The following MED29 variants were observed in gnomAD, a reference collection of about 807,000 sequenced individuals.
The protein encoded by MED29 is mediator complex subunit 29, also known as mediator of RNA polymerase II transcription subunit 29.
In MED29, 14 loss-of-function variants were observed where a neutral mutation model predicts 22.0. That is an observed-to-expected ratio of 0.64 (90% CI 0.42 to 0.99). MED29 has a LOEUF of 0.99. Among genes scored for constraint, MED29 ranks in the 50% least tolerant of loss-of-function variants. The pLI is 0.00. For synonymous variants in MED29, 123 were observed against 107.8 expected (o/e 1.14, Z -0.87); for missense variants, 241 against 253.7 (o/e 0.95, Z 0.34).
chr19:39,393,287 G>T (rs1409778023), intron 2 of MED29, among the ~76,000 whole-genome samples: 1 of 151,288 alleles, frequency 6.6e-6, no homozygotes, highest in Non-Finnish European at 1.5e-5. Flanking sequence ...GTAGAGATGG[G>T]GTTTCACCAT....
Position 39,397,827 on chromosome 19 carries a change from G to C in MED29, c.*128G>C, listed in dbSNP as rs1405869054. On this transcript the variant is annotated 3_prime_UTR_variant, in exon 4 of 4. Transcript: ENST00000315588. Reference sequence around the variant, plus strand: ...TGAGCACCGCAGCGGGAGCCAGCAGGGGGCAGCAGAGGCCAACAGGGAGCT... The same window carrying C: ...TGAGCACCGCAGCGGGAGCCAGCAGCGGGCAGCAGAGGCCAACAGGGAGCT... The C allele has an allele frequency of 2.1e-6, 3 of 1,450,034 alleles. No individual in the cohort carries two copies. The highest frequency in any genetic ancestry group is 2.3e-5 in the Admixed American group (1 of 42,898). 89.8% of individuals were successfully genotyped at this position (1,450,034 alleles called of 1,614,324 possible).
Position 39,397,744 on chromosome 19 carries a change from T to C in MED29, c.*45T>C. ...GGCAGGCAGTGGTTGGTGGGTGGTG[T>C]GCAAAGGGAATGAAGAGCGTCCTGG... On this transcript the variant is annotated 3_prime_UTR_variant, in exon 4 of 4. Transcript: ENST00000315588. The C allele has an allele frequency of 1.3e-6, 2 of 1,589,296 alleles. No homozygotes were observed. Among genetic ancestry groups the C allele is most frequent in the Non-Finnish European group, 1.7e-6 (2 of 1,171,788 alleles).
In MED29 at chr19:39,391,390, C is replaced by G. The variant is rs754293893; in HGVS notation, c.-33C>G. 2.6e-5 allele frequency: 41 copies of G among 1,606,502 alleles called. No homozygotes were observed. In the African/African-American group the frequency reaches 3.9e-4, roughly 15 times the overall value. On this transcript the variant is annotated 5_prime_UTR_variant, in exon 1 of 4. Coordinates refer to ENST00000315588, the MANE Select transcript of MED29 (RefSeq NM_017592.4). ...GAAAAGCAACGGGGAGAGACGCAGT[C>G]GTAACGCACTTCCGGCGGTCTACGC...
chr19:39,399,292 T>G lies in MED29; in HGVS notation c.*1593T>G, dbSNP rs1600629562. ...GCTCACGCCTGTAATCCCAACACTT[T>G]GGGAGCCCGAGGCGGGCGGATCACA... On this transcript the variant is annotated 3_prime_UTR_variant, in exon 4 of 4. Transcript: ENST00000315588. 6.7e-6 allele frequency: 1 copy of G among 150,352 alleles called. No individual in the cohort carries two copies. Among genetic ancestry groups the G allele is most frequent in the South Asian group, 2.1e-4 (1 of 4,804 alleles). The allele number at this position is 150,352 out of a possible 1,614,324, so 9.3% of individuals were successfully genotyped here.
At position 39,397,522 on chromosome 19, in the gene MED29, C is replaced by T; in HGVS notation, c.426C>T (p.Pro142=). The change falls in exon 4 of 4, where the codon CCC becomes CCT. Residue 142 remains proline, a synonymous_variant. Coordinates refer to ENST00000315588, the MANE Select transcript of MED29 (RefSeq NM_017592.4). ...CCAAGCACTCTCCAACGTTGGTGCCCACAGCCACCAAGCCCGACGCAGTGC... is the reference window on the plus strand; with the variant it reads ...CCAAGCACTCTCCAACGTTGGTGCCTACAGCCACCAAGCCCGACGCAGTGC... ...DSAKHSPTLV[P]TATKPDAVQP... is the part of the protein sequence containing the mutation. 6.2e-7 allele frequency: 1 copy of T among 1,612,592 alleles called. No homozygotes were observed. The highest frequency in any genetic ancestry group is 8.5e-7 in the Non-Finnish European group (1 of 1,180,010).
chr19:39,392,355 T>C, intron 1 of MED29, 109 bp from the exon 2 acceptor site: 1 of 974,234 alleles, frequency 1.0e-6, no homozygotes, highest in Non-Finnish European at 1.6e-6. Flanking sequence ...AAGGTGCCAG[T>C]TGAAAAGAAA....
intron 3 of MED29, among the ~76,000 whole-genome samples, chr19:39,396,571 C>G (rs1174777199): frequency 6.6e-6 from 1 of 151,898 alleles, no homozygotes; most frequent in Non-Finnish European, 1.5e-5. Context: ...ACTAAAAATA[C>G]AAAAATTAGC....
intron 1 of MED29, among the ~76,000 whole-genome samples, chr19:39,392,037 A>G (rs1174510599): frequency 6.6e-6 from 1 of 152,176 alleles, no homozygotes; most frequent in East Asian, 1.9e-4. Flanking sequence ...AAATAAATAA[A>G]TAAATAAATA....
rs2078448962 is a variant in MED29, at chr19:39,399,370, TA to T, written c.*1676del. On this transcript the variant is annotated 3_prime_UTR_variant, in exon 4 of 4. Coordinates refer to ENST00000315588, the MANE Select transcript of MED29 (RefSeq NM_017592.4). ...CAACACGGTGAAACCCCGACTCTAC[TA>T]AAAATACAAAAAATTAGCCGGGTGT... 1.3e-5 allele frequency: 2 copies of T among 152,082 alleles called. No homozygotes were observed. The highest frequency in any genetic ancestry group is 2.4e-5 in the African/African-American group (1 of 41,388). The allele number at this position is 152,082 out of a possible 1,614,324, so 9.4% of individuals were successfully genotyped here.
intron 2 of MED29, 44 bp downstream of exon 2, chr19:39,392,566 G>A (rs1005538507): frequency 2.6e-6 from 4 of 1,544,990 alleles, no homozygotes; most frequent in Non-Finnish European, 3.6e-6. Flanking sequence ...TGCCTTCCCA[G>A]TCTTTGAAAT....
chr19:39,398,272 G>A lies in MED29; in HGVS notation c.*573G>A, dbSNP rs1253717958. On this transcript the variant is annotated 3_prime_UTR_variant, in exon 4 of 4. Coordinates refer to ENST00000315588, the MANE Select transcript of MED29 (RefSeq NM_017592.4). ...TGGGTTATCTGGGGCTAAGGGAAGG[G>A]ACTTCATTTCCAGGGGCCACAGCCA... 6.4e-6 allele frequency: 1 copy of A among 155,840 alleles called. No homozygotes were observed. Among genetic ancestry groups the A allele is most frequent in the Non-Finnish European group, 1.4e-5 (1 of 70,228 alleles). 9.7% of individuals were successfully genotyped at this position (155,840 alleles called of 1,614,324 possible). A position where few individuals can be genotyped will look rare whatever the true frequency, so the allele number is the denominator to read the frequency against.
chr19:39,391,976 C>G (rs746554527), intron 1 of MED29, among the ~76,000 whole-genome samples: 10 of 152,250 alleles, frequency 6.6e-5, no homozygotes, highest in South Asian at 2.1e-4. Flanking sequence ...AGTGAGCCGA[C>G]ATCGTGCCAT....
intron 3 of MED29, among the ~76,000 whole-genome samples, chr19:39,395,786 A>G (rs935686062): frequency 2.0e-5 from 3 of 152,126 alleles, no homozygotes; most frequent in Non-Finnish European, 2.9e-5. Context: ...GCGTGGTGGC[A>G]GGCGCCTGCA....
Position 39,392,526 on chromosome 19 carries a change from A to G in MED29, c.275+4A>G, listed in dbSNP as rs753723279. On this transcript the variant is annotated splice_donor_region_variant and intron_variant, in intron 2 of 3. Coordinates refer to ENST00000315588, the MANE Select transcript of MED29 (RefSeq NM_017592.4). ...ACACTAACATCGACAATGGACAGTG[A>G]GTGCAGCCCCCTTTACCAGGATATT... is the stretch of plus-strand genomic sequence containing the variant. 3.7e-6 allele frequency: 6 copies of G among 1,613,350 alleles called. No homozygotes were observed. The highest frequency in any genetic ancestry group is 5.1e-6 in the Non-Finnish European group (6 of 1,179,594).
chr19:39,397,649 G>A lies in MED29; in HGVS notation c.553G>A (p.Val185Ile). 8 of 1,612,876 alleles carry A rather than the reference G, an allele frequency of 5.0e-6. No individual in the cohort carries two copies. Among genetic ancestry groups the A allele is most frequent in the Non-Finnish European group, 6.8e-6 (8 of 1,179,950 alleles). The part of the protein sequence containing the change: ...HTALLDCANK[V>I]TGKTPAPPAG... Reference sequence around the variant, plus strand: ...CGCCCTGCTGGACTGTGCCAACAAGGTCACGGGCAAGACACCCGCACCACC... The same window carrying A: ...CGCCCTGCTGGACTGTGCCAACAAGATCACGGGCAAGACACCCGCACCACC... The change falls in exon 4 of 4, where the codon GTC becomes ATC. Residue 185 changes from valine to isoleucine, a missense_variant. Physicochemically the swap from Val to Ile is conservative, Grantham distance 29. Transcript: ENST00000315588.
chr19:39,393,835 A>T (rs1331840018), intron 3 of MED29, among the ~76,000 whole-genome samples, 198 bp downstream of exon 3: 2 of 152,112 alleles, frequency 1.3e-5, no homozygotes, highest in African/African-American at 4.8e-5. Flanking sequence ...TAATAAGCAC[A>T]CCCCTAAACA....
intron 2 of MED29, among the ~76,000 whole-genome samples, chr19:39,393,188 C>T (rs1255907682): frequency 4.9e-5 from 7 of 142,424 alleles, no homozygotes; most frequent in African/African-American, 8.0e-5. Flanking sequence ...CTCTGCCTCC[C>T]GGGTTCAAAT....
rs1044065626 is a variant in MED29 at position 39,395,287 on chromosome 19, A to G, written c.360+1650A>G. Reference sequence around the variant, plus strand: ...TCATTCTGGCTGAGGTGTGGTAGGCATAGGGCTTGTTGGATTTTGAATATA... The same window carrying G: ...TCATTCTGGCTGAGGTGTGGTAGGCGTAGGGCTTGTTGGATTTTGAATATA... On this transcript the variant is annotated intron_variant, in intron 3 of 3. Transcript: ENST00000315588. 7.0e-4 allele frequency among the ~76,000 whole-genome samples: 106 copies of G among 152,360 alleles called. 1 individual carries two copies. The highest frequency in any genetic ancestry group is 2.4e-4 in the Non-Finnish European group (16 of 68,040).
At chr19:39,393,895 G>A (rs991332530) in intron 3 of MED29, among the ~76,000 whole-genome samples, 2 of 152,232 alleles carry the variant, frequency 1.3e-5, no homozygotes, top group Admixed American at 6.5e-5. Context: ...CTAGGCCAGA[G>A]TGGTTAGGGT....
Sources: gnomAD v4.1 joint callset for allele counts (sites outside exome capture counted in the v4.1 genomes callset) on GRCh38, gnomAD v4.1.1 for gene constraint, MANE v1.5 for transcripts, NCBI Gene and HGNC (gene_info 2026-07-23, HGNC 2026-07-21) for gene names.